LPGAT1: variants seen among roughly 807,000 people sequenced by gnomAD.
LPGAT1 encodes lysophosphatidylglycerol acyltransferase 1.
Under a neutral mutation model 47.5 loss-of-function variants are expected in LPGAT1, and 11 were observed. The ratio of observed to expected loss-of-function variants is 0.23; its 90% CI spans 0.15 to 0.38. The LOEUF is 0.38. LPGAT1 is among the 10% of genes least tolerant of loss of function. The probability of loss-of-function intolerance (pLI) is 1.00; values close to 1 mark genes in which losing one functional copy is unlikely to be tolerated. For missense variants in LPGAT1, 293 were observed against 439.0 expected (o/e 0.67, Z 2.97); for synonymous variants, 138 against 144.2 (o/e 0.96, Z 0.31).
chr1:211,811,963 G>A (rs1290461662), intron 2 of LPGAT1, among the ~76,000 whole-genome samples: 2 of 152,200 alleles, frequency 1.3e-5, no homozygotes, highest in African/African-American at 4.8e-5. Flanking sequence ...AGACTAGCTC[G>A]GCTCTTGCCA....
chr1:211,760,225 C>T (rs1035328345), intron 6 of LPGAT1, among the ~76,000 whole-genome samples: 5 of 152,132 alleles, frequency 3.3e-5, no homozygotes, highest in African/African-American at 7.2e-5. Flanking sequence ...TTTGGGATGC[C>T]GAGGTAGGCA....
chr1:211,815,994 GA>G (rs199777534), intron 2 of LPGAT1, among the ~76,000 whole-genome samples: 1,546 of 151,908 alleles, frequency 0.01, 14 homozygotes, highest in Non-Finnish European at 0.015. Context: ...TGTTAGCCAG[GA>G]TAGTCGCAAT....
At chr1:211,801,001 T>C (rs190764417) in intron 2 of LPGAT1, among the ~76,000 whole-genome samples, 1 of 152,340 alleles carries the variant, frequency 6.6e-6, no homozygotes, top group East Asian at 1.9e-4. Context: ...CAGTGAAATA[T>C]TCCAATAAGA....
At position 211,830,049 on chromosome 1, in the gene LPGAT1, G is replaced by A. The variant is rs142832019; in HGVS notation, c.-28+524C>T. The A allele has an allele frequency of 0.012, 12,250 of 985,670 alleles. 77 individuals carry two copies. The highest frequency in any genetic ancestry group is 0.026 in the Middle Eastern group (49 of 1,916). The allele number at this position is 985,670 out of a possible 1,614,324, so 61.1% of individuals were successfully genotyped here. ...GAAGAGAATGAGATTTCCGACCAGA[G>A]GGCAAGGAAGCAGGGGATGATGAAA... On this transcript the variant is annotated intron_variant, in intron 1 of 7. Coordinates refer to ENST00000366997, the MANE Select transcript of LPGAT1 (RefSeq NM_014873.3). The surrounding 1 kb of genome is among the most constrained non-coding windows in gnomAD (Gnocchi z 5.9).
chr1:211,784,352 T>C (rs1023717484), intron 4 of LPGAT1, among the ~76,000 whole-genome samples: 6 of 151,744 alleles, frequency 4.0e-5, no homozygotes, highest in South Asian at 2.1e-4. Context: ...ATTAGCTGGG[T>C]GCGATGGCAC....
intron 2 of LPGAT1, among the ~76,000 whole-genome samples, chr1:211,796,824 C>G (rs140190576): frequency 7.9e-5 from 12 of 152,222 alleles, no homozygotes; most frequent in African/African-American, 2.9e-4. Flanking sequence ...CTTCTAAATA[C>G]TTTCAGAAAT....
rs1259832331 is a variant in LPGAT1 at position 211,749,699 on chromosome 1, ATATATTAGCAGGTCAT to A, written c.*184_*199del. 41 of 535,718 alleles carry A rather than the reference ATATATTAGCAGGTCAT, an allele frequency of 7.7e-5. No individual in the cohort carries two copies. The highest frequency in any genetic ancestry group is 1.3e-4 in the Non-Finnish European group (41 of 308,076). The allele number at this position is 535,718 out of a possible 1,614,324, so 33.2% of individuals were successfully genotyped here. ...TATCTTTTTAAAACATGTTCTTAAA[ATATATTAGCAGGTCAT>A]TATATTACTAATCCTCATTTTAGTA... On this transcript the variant is annotated 3_prime_UTR_variant, in exon 8 of 8. Transcript: ENST00000366997.
chr1:211,750,128 A>G, intron 7 of LPGAT1, 78 bp from the exon 8 acceptor site: 2 of 1,288,724 alleles, frequency 1.6e-6, no homozygotes, highest in Non-Finnish European at 2.2e-6. Flanking sequence ...ATATTAGCTT[A>G]ACTACATTTG....
intron 6 of LPGAT1, among the ~76,000 whole-genome samples, chr1:211,774,099 A>G (rs1571714027): frequency 8.3e-6 from 1 of 121,142 alleles, no homozygotes; most frequent in Admixed American, 8.2e-5. Context: ...ATGGTGCTTT[A>G]TATTTACAAA....
At chr1:211,815,497 C>T (rs1187282783) in intron 2 of LPGAT1, among the ~76,000 whole-genome samples, 3 of 152,180 alleles carry the variant, frequency 2.0e-5, no homozygotes, top group Admixed American at 6.5e-5. Flanking sequence ...ATCTTCCACA[C>T]GGTCTCCTGG....
intron 2 of LPGAT1, among the ~76,000 whole-genome samples, chr1:211,826,252 G>C (rs945835549): frequency 3.3e-5 from 5 of 152,134 alleles, no homozygotes; most frequent in African/African-American, 9.7e-5. Flanking sequence ...TGAGTTAAGA[G>C]ATAGTTTAAT....
intron 3 of LPGAT1, among the ~76,000 whole-genome samples, chr1:211,789,823 A>T (rs1254036627): frequency 6.6e-6 from 1 of 150,730 alleles, no homozygotes; most frequent in Non-Finnish European, 1.5e-5. Flanking sequence ...GTGAGCTGAA[A>T]TGGCACCACT....
chr1:211,784,036 A>C (rs1658745454), intron 4 of LPGAT1, among the ~76,000 whole-genome samples: 1 of 152,224 alleles, frequency 6.6e-6, no homozygotes, highest in African/African-American at 2.4e-5. Context: ...TGCAAGCCAT[A>C]ATATTCCAGG....
chr1:211,799,922 T>C (rs1350229350), intron 2 of LPGAT1, among the ~76,000 whole-genome samples: 2 of 152,138 alleles, frequency 1.3e-5, no homozygotes, highest in East Asian at 1.9e-4. Context: ...AGACTATCTT[T>C]CATTTCTCCC....
intron 2 of LPGAT1, among the ~76,000 whole-genome samples, chr1:211,795,404 G>A (rs903181557): frequency 3.3e-5 from 5 of 152,172 alleles, no homozygotes; most frequent in African/African-American, 1.2e-4. Context: ...TTTCGCTCTT[G>A]TTGCCCAGGC....
At position 211,744,941 on chromosome 1, in the gene LPGAT1, C is replaced by T. The variant is rs1656885908; in HGVS notation, c.*4958G>A. The T allele has an allele frequency of 2.0e-5, 3 of 152,530 alleles. No individual in the cohort carries two copies. The highest frequency in any genetic ancestry group is 6.5e-5 in the Admixed American group (1 of 15,274). The allele number at this position is 152,530 out of a possible 1,614,324, so 9.4% of individuals were successfully genotyped here. A position where few individuals can be genotyped will look rare whatever the true frequency, so the allele number is the denominator to read the frequency against. On this transcript the variant is annotated 3_prime_UTR_variant, in exon 8 of 8. Coordinates refer to ENST00000366997, the MANE Select transcript of LPGAT1 (RefSeq NM_014873.3). ...TAATGCCCAAATAGCTCTGGTAAAACACACATGCCCCATCCCCACTGCTAA... is the reference window on the plus strand; with the variant it reads ...TAATGCCCAAATAGCTCTGGTAAAATACACATGCCCCATCCCCACTGCTAA...
At chr1:211,817,113 T>C (rs555407115) in intron 2 of LPGAT1, among the ~76,000 whole-genome samples, 1 of 152,346 alleles carries the variant, frequency 6.6e-6, no homozygotes, top group South Asian at 2.1e-4. Context: ...CCTATACTTA[T>C]AAATTTAGCC....
chr1:211,793,067 C>A lies in LPGAT1; in HGVS notation c.357+5G>T. On this transcript the variant is annotated splice_donor_5th_base_variant and intron_variant, in intron 3 of 7. Transcript: ENST00000366997. ...TGTCTATCTACTGCCTTCAGGGTAGCTTACCAGTCCTTTGTCCTGGAGGCA... is the reference window on the plus strand; with the variant it reads ...TGTCTATCTACTGCCTTCAGGGTAGATTACCAGTCCTTTGTCCTGGAGGCA... 1 of 1,577,066 alleles carries A rather than the reference C, an allele frequency of 6.3e-7. No homozygotes were observed. Among genetic ancestry groups the A allele is most frequent in the Non-Finnish European group, 8.6e-7 (1 of 1,158,418 alleles).
intron 2 of LPGAT1, among the ~76,000 whole-genome samples, chr1:211,818,326 G>A (rs1346833582): frequency 6.6e-6 from 1 of 152,134 alleles, no homozygotes; most frequent in Non-Finnish European, 1.5e-5. Flanking sequence ...ACAAGAAGCA[G>A]GATCTTGGAT....
Sources: gnomAD v4.1 joint callset for allele counts (sites outside exome capture counted in the v4.1 genomes callset) on GRCh38, gnomAD v4.1.1 for gene constraint, Gnocchi (gnomAD v3.1) non-coding constraint, MANE v1.5 for transcripts, NCBI Gene and HGNC (gene_info 2026-07-23, HGNC 2026-07-21) for gene names.